Variants in CNTN4 observed in about 807,000 individuals in gnomAD.
CNTN4 encodes the protein contactin-4.
In CNTN4, 77 loss-of-function variants were observed where a neutral mutation model predicts 122.5. That is an observed-to-expected ratio of 0.63 (90% confidence interval 0.52 to 0.76). The LOEUF is 0.76. CNTN4 is among the 30% of genes least tolerant of loss of function. The probability of loss-of-function intolerance (pLI) is 0.00; values close to 1 mark genes in which losing one functional copy is unlikely to be tolerated. For missense variants in CNTN4, 1,256 were observed against 1,259.1 expected, an observed-to-expected ratio of 1.00 and a Z score of 0.04; for synonymous variants, 512 against 447.0, an observed-to-expected ratio of 1.15 and a Z score of -1.83.
intron 13 of CNTN4, among the ~76,000 whole-genome samples, chr3:2,952,101 A>G (rs985755386): frequency 6.6e-6 from 1 of 152,218 alleles, no homozygotes; most frequent in African/African-American, 2.4e-5. Flanking sequence ...CTGCCCTTGT[A>G]GTATGGAGCT....
chr3:2,127,263 G>A (rs919518671), intron 2 of CNTN4, among the ~76,000 whole-genome samples: 2 of 152,096 alleles, frequency 1.3e-5, no homozygotes, highest in Non-Finnish European at 1.5e-5. Flanking sequence ...GGTGGCCAGG[G>A]TGTTGAGAGA....
At chr3:2,936,720 A>G (rs59537672) in intron 13 of CNTN4, among the ~76,000 whole-genome samples, 8,034 of 152,236 alleles carry the variant, frequency 0.053, 289 homozygotes, top group East Asian at 0.19. Flanking sequence ...AACTAAGTCC[A>G]CAGGCCACAT....
intron 2 of CNTN4, among the ~76,000 whole-genome samples, chr3:2,292,166 C>T (rs892063455): frequency 6.6e-5 from 10 of 152,188 alleles, no homozygotes; most frequent in Admixed American, 3.9e-4. Context: ...GTCACTTCTA[C>T]GGCACTTATC....
chr3:2,228,338 G>A (rs1305776329), intron 2 of CNTN4, among the ~76,000 whole-genome samples: 1 of 151,724 alleles, frequency 6.6e-6, no homozygotes, highest in Non-Finnish European at 1.5e-5. Flanking sequence ...AAATTATATA[G>A]CATTTAAATT....
chr3:2,663,444 C>T (rs1291938950), intron 4 of CNTN4, among the ~76,000 whole-genome samples: 1 of 151,956 alleles, frequency 6.6e-6, no homozygotes, highest in Non-Finnish European at 1.5e-5. Context: ...AGATATTGTT[C>T]TGATTTATTA....
At chr3:2,647,491 A>ATACTTTTAT (rs2083182181) in intron 4 of CNTN4, among the ~76,000 whole-genome samples, 2 of 152,180 alleles carry the variant, frequency 1.3e-5, no homozygotes, top group African/African-American at 4.8e-5. Flanking sequence ...TTTCAAAGCT[A>ATACTTTTAT]TACTTTTATT....
intron 6 of CNTN4, among the ~76,000 whole-genome samples, chr3:2,764,598 G>A (rs923979887): frequency 6.6e-6 from 1 of 152,132 alleles, no homozygotes; most frequent in East Asian, 1.9e-4. Context: ...ATGCTTAAGC[G>A]TGTCACTTTA....
chr3:2,932,585 C>A (rs1387329497), intron 13 of CNTN4, among the ~76,000 whole-genome samples: 2 of 151,974 alleles, frequency 1.3e-5, no homozygotes, highest in Non-Finnish European at 2.9e-5. Flanking sequence ...ATCTTCAGAG[C>A]TTAATGAAAA....
chr3:2,190,768 T>A (rs2037491917), intron 2 of CNTN4, among the ~76,000 whole-genome samples: 1 of 151,522 alleles, frequency 6.6e-6, no homozygotes, highest in African/African-American at 2.4e-5. Flanking sequence ...TGCAGCATAG[T>A]GCATACATTG....
At chr3:2,218,322 AT>A (rs1432123156) in intron 2 of CNTN4, among the ~76,000 whole-genome samples, 1 of 152,150 alleles carries the variant, frequency 6.6e-6, no homozygotes, top group African/African-American at 2.4e-5. Context: ...TTTTTATGAA[AT>A]TGCAAACATG....
chr3:2,390,215 AGTGTGTGTGT>A (rs142190283), intron 3 of CNTN4, among the ~76,000 whole-genome samples: 41 of 144,876 alleles, frequency 2.8e-4, no homozygotes, highest in Non-Finnish European at 4.4e-4. Context: ...AGGAAAAAAG[AGTGTGTGTGT>A]GTGTGTGTGT....
At chr3:2,445,759 T>A (rs1408445326) in intron 3 of CNTN4, among the ~76,000 whole-genome samples, 1 of 152,156 alleles carries the variant, frequency 6.6e-6, no homozygotes, top group Non-Finnish European at 1.5e-5. Context: ...AGCACCTTTT[T>A]CTTGCCATGT....
chr3:2,593,002 G>A (rs1277155639), intron 4 of CNTN4, among the ~76,000 whole-genome samples: 1 of 152,138 alleles, frequency 6.6e-6, no homozygotes, highest in African/African-American at 2.4e-5. Context: ...ATTTGAATTG[G>A]ATATGTTTAA....
At chr3:2,948,096 G>C (rs1470531810) in intron 13 of CNTN4, among the ~76,000 whole-genome samples, 2 of 152,190 alleles carry the variant, frequency 1.3e-5, no homozygotes, top group African/African-American at 4.8e-5. Flanking sequence ...ACTAGGACTT[G>C]TGTAATAGTA....
intron 2 of CNTN4, among the ~76,000 whole-genome samples, chr3:2,318,184 C>T (rs1188499619): frequency 6.8e-6 from 1 of 147,798 alleles, no homozygotes; most frequent in Non-Finnish European, 1.5e-5. Context: ...TGAATAACTT[C>T]TCTAGCCTGG....
intron 2 of CNTN4, among the ~76,000 whole-genome samples, chr3:2,179,094 A>T (rs2036892107): frequency 6.6e-6 from 1 of 152,044 alleles, no homozygotes; most frequent in African/African-American, 2.4e-5. Flanking sequence ...GCAATTATAA[A>T]TGTCCTGTTA....
intron 3 of CNTN4, among the ~76,000 whole-genome samples, chr3:2,415,403 TTC>T (rs1397858808): frequency 2.0e-5 from 3 of 152,188 alleles, no homozygotes; most frequent in African/African-American, 7.2e-5. Flanking sequence ...TGTACAGAAT[TTC>T]AGTTTATGGA....
At chr3:2,418,501 T>G (rs2151088843) in intron 3 of CNTN4, among the ~76,000 whole-genome samples, 1 of 152,312 alleles carries the variant, frequency 6.6e-6, no homozygotes, top group South Asian at 2.1e-4. Context: ...CAATAGAATT[T>G]GCCCCAGTAG....
intron 3 of CNTN4, among the ~76,000 whole-genome samples, chr3:2,536,000 C>G (rs1365094380): frequency 6.6e-6 from 1 of 151,944 alleles, no homozygotes; most frequent in Non-Finnish European, 1.5e-5. Context: ...CTATTAGTGC[C>G]AAGAAAGAAC....
Sources: allele counts gnomAD v4.1 joint callset (sites outside exome capture counted in the v4.1 genomes callset), GRCh38; gene constraint gnomAD v4.1.1; transcripts MANE v1.5; gene names NCBI Gene and HGNC (gene_info 2026-07-23, HGNC 2026-07-21).